The following TRAF1 variants were observed in gnomAD, a reference collection of about 807,000 sequenced individuals.
TRAF1 encodes TNF receptor associated factor 1, also known as TNF receptor-associated factor 1.
In TRAF1, 23 loss-of-function variants were observed where a neutral mutation model predicts 40.9. The ratio of observed to expected loss-of-function variants is 0.56; its 90% confidence interval spans 0.40 to 0.80. TRAF1 has a LOEUF of 0.80. Among genes scored for constraint, TRAF1 ranks in the 30% least tolerant of loss-of-function variants. The probability of loss-of-function intolerance (pLI) is 0.00; values close to 1 mark genes in which losing one functional copy is unlikely to be tolerated. For missense variants in TRAF1, 477 were observed against 528.7 expected, an observed-to-expected ratio of 0.90 and a Z score of 0.96; for synonymous variants, 206 against 218.8, an observed-to-expected ratio of 0.94 and a Z score of 0.52.
chr9:120,920,714 T>C (rs1184707663), intron 3 of TRAF1, among the ~76,000 whole-genome samples: 3 of 152,228 alleles, frequency 2.0e-5, no homozygotes, highest in Non-Finnish European at 2.9e-5. Context: ...AATCAGTCCA[T>C]GGCTCTGGGC....
intron 5 of TRAF1, among the ~76,000 whole-genome samples, chr9:120,912,656 A>G (rs1362143320): frequency 2.2e-5 from 3 of 139,318 alleles, no homozygotes; most frequent in Non-Finnish European, 4.8e-5. Flanking sequence ...ACTCTGTCTC[A>G]AAGGAAAAAA....
chr9:120,910,195 T>G (rs1244141189), intron 6 of TRAF1, among the ~76,000 whole-genome samples: 1 of 152,204 alleles, frequency 6.6e-6, no homozygotes, highest in African/African-American at 2.4e-5. Flanking sequence ...TGACTCATCT[T>G]TGCCCATTAC....
At chr9:120,916,233 T>C (rs1195251507) in intron 3 of TRAF1, among the ~76,000 whole-genome samples, 3 of 152,314 alleles carry the variant, frequency 2.0e-5, no homozygotes, top group Middle Eastern at 3.4e-3. Context: ...CTTACGAGCT[T>C]CTAGCAAAGG....
Position 120,914,226 on chromosome 9 carries a change from G to C in TRAF1, c.294+9C>G, listed in dbSNP as rs2046553066. Reference sequence around the variant, plus strand: ...GGATAGATCTCCTTTCTCACACTCAGATGCTTACCTTGAAGGAGCAGCCGA... The same window carrying C: ...GGATAGATCTCCTTTCTCACACTCACATGCTTACCTTGAAGGAGCAGCCGA... On this transcript the variant is annotated intron_variant, in intron 4 of 7. Coordinates refer to ENST00000373887, the MANE Select transcript of TRAF1 (RefSeq NM_005658.5). 1 of 1,523,528 alleles carries C rather than the reference G, an allele frequency of 6.6e-7. No homozygotes were observed. The highest frequency in any genetic ancestry group is 1.8e-5 in the Admixed American group (1 of 54,242). The allele number at this position is 1,523,528 out of a possible 1,614,324, so 94.4% of individuals were successfully genotyped here.
intron 3 of TRAF1, among the ~76,000 whole-genome samples, chr9:120,923,098 C>T (rs1019691417): frequency 2.6e-5 from 4 of 152,254 alleles, no homozygotes; most frequent in Admixed American, 2.6e-4. Context: ...CTCGGCCTCC[C>T]AAAGTGTTAG....
chr9:120,910,663 T>A (rs1220143004), intron 6 of TRAF1, among the ~76,000 whole-genome samples: 2 of 152,192 alleles, frequency 1.3e-5, no homozygotes, highest in Non-Finnish European at 2.9e-5. Flanking sequence ...TCCCAAAGTG[T>A]TAGGATTATA....
chr9:120,916,813 G>A (rs1307370989), intron 3 of TRAF1, among the ~76,000 whole-genome samples: 6 of 152,130 alleles, frequency 3.9e-5, no homozygotes, highest in African/African-American at 1.4e-4. Flanking sequence ...GCTTCGGGAA[G>A]TCTGTGGTGA....
chr9:120,911,632 G>A, intron 5 of TRAF1, 119 bp from the exon 6 acceptor site: 2 of 1,185,222 alleles, frequency 1.7e-6, no homozygotes, highest in Non-Finnish European at 1.2e-6. Context: ...CCTCACTCAG[G>A]TGTGCGTCTG....
chr9:120,911,646 C>A lies in TRAF1; in HGVS notation c.706-133G>T, dbSNP rs372291302. ...GCCTCACTCAGGTGTGCGTCTGCAT[C>A]TGAATGTGCTGCCCCCTGCCTGGCC... On this transcript the variant is annotated intron_variant, in intron 5 of 7. Coordinates refer to ENST00000373887, the MANE Select transcript of TRAF1 (RefSeq NM_005658.5). The A allele has an allele frequency of 1.3e-5, 13 of 1,016,818 alleles. No homozygotes were observed. In the African/African-American group the frequency reaches 1.9e-4, roughly 15 times the overall value. The allele number at this position is 1,016,818 out of a possible 1,614,324, so 63.0% of individuals were successfully genotyped here. A position where few individuals can be genotyped will look rare whatever the true frequency, so the allele number is the denominator to read the frequency against.
intron 7 of TRAF1, among the ~76,000 whole-genome samples, chr9:120,908,051 C>A (rs916442803): frequency 2.0e-5 from 3 of 152,022 alleles, no homozygotes; most frequent in Admixed American, 1.3e-4. Context: ...TGCCACCACG[C>A]CCAGCTGATG....
At position 120,904,737 on chromosome 9, in the gene TRAF1, T is replaced by C. The variant is rs1017760915; in HGVS notation, c.*283A>G. On this transcript the variant is annotated 3_prime_UTR_variant, in exon 8 of 8. Transcript: ENST00000373887. Reference sequence around the variant, plus strand: ...CATTTGGTGAGAGTCCACCTCAACATTCGGGGCCGGAGTGGCTCACTGGCC... The same window carrying C: ...CATTTGGTGAGAGTCCACCTCAACACTCGGGGCCGGAGTGGCTCACTGGCC... 1.8e-5 allele frequency: 8 copies of C among 448,858 alleles called. No individual in the cohort carries two copies. The highest frequency in any genetic ancestry group is 1.6e-4 in the African/African-American group (8 of 50,710). The allele number at this position is 448,858 out of a possible 1,614,324, so 27.8% of individuals were successfully genotyped here. A position where few individuals can be genotyped will look rare whatever the true frequency, so the allele number is the denominator to read the frequency against.
chr9:120,924,616 T>C lies in TRAF1; in HGVS notation c.141-824A>G, dbSNP rs534147143. On this transcript the variant is annotated intron_variant, in intron 2 of 7. Transcript: ENST00000373887. Reference sequence around the variant, plus strand: ...TTTTAGTAGAGATGAGGTTTCACCTTGTTGGCCAGGCTGGTCTCAAACTCC... The same window carrying C: ...TTTTAGTAGAGATGAGGTTTCACCTCGTTGGCCAGGCTGGTCTCAAACTCC... Among the ~76,000 whole-genome samples the C allele has an allele frequency of 7.9e-5, 12 of 152,318 alleles. No homozygotes were observed. In the East Asian group the frequency reaches 1.7e-3, roughly 22 times the overall value.
chr9:120,913,209 C>G, intron 5 of TRAF1, 119 bp downstream of exon 5: 1 of 1,264,842 alleles, frequency 7.9e-7, no homozygotes, highest in Non-Finnish European at 1.1e-6. Context: ...AGGGGAGATA[C>G]GTTTTGATGG....
chr9:120,918,698 C>T (rs921132488), intron 3 of TRAF1, among the ~76,000 whole-genome samples: 3 of 152,322 alleles, frequency 2.0e-5, no homozygotes, highest in Non-Finnish European at 4.4e-5. Context: ...CTGTGACAAT[C>T]ATCTGAGGCA....
At chr9:120,925,672 G>A (rs1280479423) in intron 2 of TRAF1, among the ~76,000 whole-genome samples, 2 of 152,250 alleles carry the variant, frequency 1.3e-5, no homozygotes, top group Non-Finnish European at 2.9e-5. Flanking sequence ...ACCACACAGT[G>A]AGACAGTGGC....
At position 120,909,269 on chromosome 9, in the gene TRAF1, C is replaced by T. The variant is rs1239698390; in HGVS notation, c.993G>A (p.Gly331=). 2 of 1,614,040 alleles carry T rather than the reference C, an allele frequency of 1.2e-6. No individual in the cohort carries two copies. The highest frequency in any genetic ancestry group is 2.7e-5 in the African/African-American group (2 of 74,924). Residue 331 remains glycine, a synonymous_variant, in exon 7 of 8, where the codon GGG becomes GGA. Transcript: ENST00000373887. ...HLSLFIVIMR[G]EYDALLPWPF... ...GCCACGGCAGCAGCGCATCATACTC[C>T]CCTCTCATGATCACGATGAAGAGCG...
In TRAF1 at chr9:120,914,308, T is replaced by C; in HGVS notation, c.229-8A>G. On this transcript the variant is annotated splice_region_variant and splice_polypyrimidine_tract_variant and intron_variant, in intron 3 of 7. Coordinates refer to ENST00000373887, the MANE Select transcript of TRAF1 (RefSeq NM_005658.5). ...AGCCACCTCGGGGTGAGCCTGGAAA[T>C]AATAATCACATCACTGAATGTTATA... The C allele has an allele frequency of 6.6e-7, 1 of 1,503,904 alleles. No individual in the cohort carries two copies. The highest frequency in any genetic ancestry group is 9.0e-7 in the Non-Finnish European group (1 of 1,114,410). 93.2% of individuals were successfully genotyped at this position (1,503,904 alleles called of 1,614,324 possible).
intron 3 of TRAF1, among the ~76,000 whole-genome samples, chr9:120,916,882 T>C (rs148614022): frequency 2.6e-5 from 4 of 152,316 alleles, no homozygotes; most frequent in Admixed American, 6.5e-5. Context: ...GAAGATGCTA[T>C]GTGTAGACCT....
Position 120,926,319 on chromosome 9 carries a change from C to A in TRAF1, c.-226-18G>T. On this transcript the variant is annotated intron_variant, in intron 1 of 7. Coordinates refer to ENST00000373887, the MANE Select transcript of TRAF1 (RefSeq NM_005658.5). ...ACTGAAGGCTTTAGGAGTGTCCAGT[C>A]ATTTTTTTTTTTTTTTAGAGTGAGA... 4 of 339,210 alleles carry A rather than the reference C, an allele frequency of 1.2e-5. No individual in the cohort carries two copies. Among genetic ancestry groups the A allele is most frequent in the Admixed American group, 4.7e-5 (1 of 21,260 alleles). 21.0% of individuals were successfully genotyped at this position (339,210 alleles called of 1,614,324 possible).
Sources: allele counts gnomAD v4.1 joint callset (sites outside exome capture counted in the v4.1 genomes callset), GRCh38; gene constraint gnomAD v4.1.1; transcripts MANE v1.5; gene names NCBI Gene and HGNC (gene_info 2026-07-23, HGNC 2026-07-21).